The following PCDH11X variants were observed in gnomAD, a reference collection of about 807,000 sequenced individuals.
PCDH11X encodes the protein protocadherin-11 X-linked.
In PCDH11X, 18 loss-of-function variants were observed where a neutral mutation model predicts 53.3. The observed-to-expected ratio is 0.34, with a 90% CI of 0.23 to 0.50. The LOEUF (loss-of-function observed/expected upper bound fraction) is 0.50. Ranked by LOEUF, PCDH11X falls within the 20% of genes least tolerant of loss-of-function variation. PCDH11X has a pLI of 0.98. For synonymous variants in PCDH11X, 279 were observed against 393.3 expected (o/e 0.71, Z 3.44); for missense variants, 570 against 1,032.4 (o/e 0.55, Z 6.14).
intron 6 of PCDH11X, among the ~76,000 whole-genome samples, chrX:92,184,684 A>G (rs982362243): frequency 2.7e-5 from 3 of 111,436 alleles, no homozygotes; most frequent in Non-Finnish European, 5.6e-5. Flanking sequence ...ATCCATATAT[A>G]TACAGCCAAC....
intron 6 of PCDH11X, among the ~76,000 whole-genome samples, chrX:92,129,998 A>G (rs2064942950): frequency 8.9e-6 from 1 of 112,084 alleles, no homozygotes; most frequent in Admixed American, 9.6e-5. Flanking sequence ...GCACACACAC[A>G]CATTTCCAAA....
chrX:92,436,973 T>TAAA (rs71815223), intron 9 of PCDH11X, among the ~76,000 whole-genome samples: 1 of 84,647 alleles, frequency 1.2e-5, no homozygotes. Flanking sequence ...AAATAAAAGG[T>TAAA]AAAAAAAAAA....
At chrX:92,119,715 T>A (rs5984889) in intron 6 of PCDH11X, among the ~76,000 whole-genome samples, 44,387 of 110,610 alleles carry the variant, frequency 0.4, 8,082 homozygotes, top group East Asian at 0.87. Flanking sequence ...TAATGCATGT[T>A]TTCAAGCCAA....
intron 6 of PCDH11X, among the ~76,000 whole-genome samples, chrX:92,071,405 T>C (rs953308869): frequency 3.6e-5 from 4 of 111,612 alleles, no homozygotes; most frequent in African/African-American, 1.3e-4. Flanking sequence ...AAACAGTTTT[T>C]TGAATTATCT....
At chrX:92,420,760 G>T (rs1048853928) in intron 9 of PCDH11X, among the ~76,000 whole-genome samples, 45 of 111,452 alleles carry the variant, frequency 4.0e-4, no homozygotes, top group Non-Finnish European at 5.3e-4. Flanking sequence ...TGATTGTGGT[G>T]TATCTGGGCA....
At chrX:91,981,127 G>T (rs2062130466) in intron 6 of PCDH11X, among the ~76,000 whole-genome samples, 1 of 104,519 alleles carries the variant, frequency 9.6e-6, no homozygotes, top group Non-Finnish European at 1.9e-5. Flanking sequence ...TAGTGAGCAA[G>T]ACTTGTTCTC....
At chrX:92,270,837 A>G (rs2067941948) in intron 8 of PCDH11X, among the ~76,000 whole-genome samples, 1 of 112,156 alleles carries the variant, frequency 8.9e-6, no homozygotes, top group Non-Finnish European at 1.9e-5. Flanking sequence ...ACAAAAAGAA[A>G]GTCAGTTTCT....
intron 8 of PCDH11X, among the ~76,000 whole-genome samples, chrX:92,319,748 A>G (rs192718447): frequency 1.7e-4 from 19 of 111,640 alleles, no homozygotes; most frequent in African/African-American, 5.9e-4. Context: ...TTATATATAT[A>G]AAGTGCTTAC....
intron 6 of PCDH11X, among the ~76,000 whole-genome samples, chrX:91,977,998 A>G (rs2062068958): frequency 1.8e-5 from 2 of 111,752 alleles, no homozygotes; most frequent in African/African-American, 6.5e-5. Flanking sequence ...TCAGCAATCT[A>G]AGAAAACAGT....
chrX:91,888,139 T>G (rs1245359650), intron 6 of PCDH11X, among the ~76,000 whole-genome samples: 2 of 111,818 alleles, frequency 1.8e-5, no homozygotes, highest in East Asian at 5.6e-4. Flanking sequence ...TATATCCAAT[T>G]AATAATAAAA....
intron 9 of PCDH11X, among the ~76,000 whole-genome samples, chrX:92,435,620 G>A (rs1309305450): frequency 9.0e-6 from 1 of 111,475 alleles, no homozygotes; most frequent in African/African-American, 3.3e-5. Context: ...GAGATTGGGG[G>A]CCTATATTCA....
chrX:92,450,965 G>A (rs2072766314), intron 9 of PCDH11X, among the ~76,000 whole-genome samples: 1 of 111,468 alleles, frequency 9.0e-6, no homozygotes, highest in South Asian at 3.7e-4. Context: ...TTCACTGTGA[G>A]AATAATGAGC....
At chrX:91,994,513 T>C (rs112224024) in intron 6 of PCDH11X, among the ~76,000 whole-genome samples, 3,558 of 91,526 alleles carry the variant, frequency 0.039, 150 homozygotes, top group African/African-American at 0.068. Flanking sequence ...AATATTCCAT[T>C]GTATATATAC....
At chrX:92,263,297 T>A (rs1175993354) in intron 8 of PCDH11X, among the ~76,000 whole-genome samples, 154 bp downstream of exon 8, 7 of 111,875 alleles carry the variant, frequency 6.3e-5, no homozygotes, top group Non-Finnish European at 1.1e-4. Context: ...TGAGCTGTTT[T>A]CACATTTTGT....
intron 8 of PCDH11X, among the ~76,000 whole-genome samples, chrX:92,309,253 G>T (rs1338484785): frequency 8.9e-6 from 1 of 112,073 alleles, no homozygotes; most frequent in Non-Finnish European, 1.9e-5. Context: ...TCTATTGATG[G>T]ATAAACAGAT....
chrX:92,594,421 T>C (rs1295468078), intron 10 of PCDH11X, among the ~76,000 whole-genome samples: 1 of 110,988 alleles, frequency 9.0e-6, no homozygotes, highest in Non-Finnish European at 1.9e-5. Context: ...CTTTCTTTTT[T>C]GGGCTGTATT....
At chrX:92,118,709 ATTGGT>A (rs1361124038) in intron 6 of PCDH11X, among the ~76,000 whole-genome samples, 2 of 61,749 alleles carry the variant, frequency 3.2e-5, no homozygotes, top group African/African-American at 1.2e-4. Flanking sequence ...CATGCATATT[ATTGGT>A]TTGGTTATAA....
intron 9 of PCDH11X, among the ~76,000 whole-genome samples, chrX:92,429,607 C>CT (rs1346522334): frequency 2.9e-5 from 3 of 104,783 alleles, no homozygotes; most frequent in African/African-American, 1.0e-4. Context: ...AAGAGAGACC[C>CT]TTGATTTTCA....
At chrX:91,851,897 TC>T (rs1030604884) in intron 5 of PCDH11X, among the ~76,000 whole-genome samples, 1 of 111,196 alleles carries the variant, frequency 9.0e-6, no homozygotes, top group African/African-American at 3.3e-5. Flanking sequence ...ATACAAATAA[TC>T]TAAGTCAAAA....
Sources: gnomAD v4.1 joint callset for allele counts (sites outside exome capture counted in the v4.1 genomes callset) on GRCh38, gnomAD v4.1.1 for gene constraint, MANE v1.5 for transcripts, NCBI Gene and HGNC (gene_info 2026-07-23, HGNC 2026-07-21) for gene names.